Variants in SND1 observed in about 807,000 individuals in gnomAD.
SND1 encodes staphylococcal nuclease and tudor domain containing 1.
In SND1, 38 loss-of-function variants were observed where a neutral mutation model predicts 121.7. The ratio of observed to expected loss-of-function variants is 0.31; its 90% CI spans 0.24 to 0.41. The LOEUF is 0.41. SND1 is among the 10% of genes least tolerant of loss of function. The pLI is 1.00. For synonymous variants in SND1, 401 were observed against 447.4 expected, an observed-to-expected ratio of 0.90 and a Z score of 1.31; for missense variants, 868 against 1,184.6, an observed-to-expected ratio of 0.73 and a Z score of 3.92.
At position 127,807,529 on chromosome 7, in the gene SND1, T is replaced by C; in HGVS notation, c.1198T>C (p.Phe400Leu). The change falls in exon 11 of 24, where the codon TTT becomes CTT. Residue 400 changes from phenylalanine (F) to leucine (L), a missense_variant. Phe to Leu is a conservative substitution (Grantham distance 22). Around this residue, in one of 2 missense-constraint regions of SND1, gnomAD observed 743 missense variants for 1,071.3 expected, o/e 0.69. Coordinates refer to ENST00000354725, the MANE Select transcript of SND1 (RefSeq NM_014390.4). Reference sequence around the variant, plus strand: ...TCCCCTGTATGACATTCCTTACATGTTTGAGGCCCGGGAATTTCTTCGAAA... The same window carrying C: ...TCCCCTGTATGACATTCCTTACATGCTTGAGGCCCGGGAATTTCTTCGAAA... ...LRPLYDIPYM[F>L]EAREFLRKKL... 6.2e-7 allele frequency: 1 copy of C among 1,614,090 alleles called. No homozygotes were observed. The highest frequency in any genetic ancestry group is 1.1e-5 in the South Asian group (1 of 91,086).
At chr7:127,852,776 AC>A (rs1799194352) in intron 12 of SND1, among the ~76,000 whole-genome samples, 1 of 151,724 alleles carries the variant, frequency 6.6e-6, no homozygotes, top group South Asian at 2.1e-4. Context: ...ACGCCACTGC[AC>A]TCTAGCCTGG....
At chr7:127,777,482 T>G (rs902785946) in intron 10 of SND1, among the ~76,000 whole-genome samples, 1 of 152,178 alleles carries the variant, frequency 6.6e-6, no homozygotes. Context: ...CTTAATTGGA[T>G]AAATTGAAGA....
chr7:127,867,521 G>A (rs562410869), intron 12 of SND1, among the ~76,000 whole-genome samples: 18 of 152,082 alleles, frequency 1.2e-4, no homozygotes, highest in East Asian at 3.9e-4. Context: ...TCAAATGATC[G>A]CGTCTTTTGA....
intron 11 of SND1, among the ~76,000 whole-genome samples, chr7:127,841,057 A>T (rs1390215443): frequency 1.3e-5 from 2 of 152,212 alleles, no homozygotes; most frequent in Non-Finnish European, 2.9e-5. Context: ...GGCCTGAGAG[A>T]TACACAGGTG....
chr7:127,975,355 G>A (rs1341534312), intron 15 of SND1, among the ~76,000 whole-genome samples: 2 of 152,154 alleles, frequency 1.3e-5, no homozygotes, highest in Middle Eastern at 3.4e-3. Flanking sequence ...GTGCGCACGC[G>A]CGTGTGTATG....
chr7:127,895,456 A>G (rs1459734274), intron 13 of SND1, among the ~76,000 whole-genome samples: 1 of 152,016 alleles, frequency 6.6e-6, no homozygotes, highest in Non-Finnish European at 1.5e-5. Context: ...TAAATGTCCT[A>G]ATGGCTTCCG....
chr7:128,092,033 C>T lies in SND1; in HGVS notation c.2708C>T (p.Ala903Val). Residue 903 changes from alanine to valine, a missense_variant, in exon 24 of 24, where the codon GCA (alanine) becomes GTA (valine). Physicochemically the swap from Ala to Val is moderately conservative, Grantham distance 64. This residue lies in a region of SND1 where 743 missense variants were observed against 1,071.3 expected (regional missense o/e 0.69). Transcript: ENST00000354725. This position sits in a 1 kb window ranked among gnomAD's most constrained non-coding sequence, Gnocchi z 4.9. ...TATGGAGACTTTCGAGCTGATGATG[C>T]AGACGAATTTGGCTACAGCCGCTAA... is the stretch of plus-strand genomic sequence containing the variant. ...WRYGDFRADD[A>V]DEFGYSR is the part of the protein sequence containing the mutation. 1 of 1,614,114 alleles carries T rather than the reference C, an allele frequency of 6.2e-7. No homozygotes were observed. Among genetic ancestry groups the T allele is most frequent in the Non-Finnish European group, 8.5e-7 (1 of 1,179,966 alleles).
chr7:127,663,079 G>A (rs1012044250), intron 1 of SND1, among the ~76,000 whole-genome samples: 3 of 151,454 alleles, frequency 2.0e-5, no homozygotes, highest in Non-Finnish European at 4.4e-5. Context: ...TGGAGACGGG[G>A]TCTCCCTGTC....
At chr7:127,683,588 A>C (rs1297266048) in intron 1 of SND1, among the ~76,000 whole-genome samples, 2 of 152,208 alleles carry the variant, frequency 1.3e-5, no homozygotes, top group Non-Finnish European at 2.9e-5. Context: ...TAGTAGAAAT[A>C]GTTCTCTTAC....
chr7:127,921,776 TTAAC>T (rs1326784263), intron 14 of SND1, among the ~76,000 whole-genome samples: 1 of 152,206 alleles, frequency 6.6e-6, no homozygotes, highest in African/African-American at 2.4e-5. Context: ...GTTTTTCTGT[TTAAC>T]TATAGTTTAA....
chr7:127,883,066 A>C (rs1338681901), intron 12 of SND1, among the ~76,000 whole-genome samples: 1 of 152,174 alleles, frequency 6.6e-6, no homozygotes, highest in African/African-American at 2.4e-5. Flanking sequence ...AGTTTCCATT[A>C]GGCATGATCA....
At chr7:127,919,658 G>T (rs764240697) in intron 14 of SND1, among the ~76,000 whole-genome samples, 5 of 152,010 alleles carry the variant, frequency 3.3e-5, no homozygotes, top group Non-Finnish European at 7.4e-5. Flanking sequence ...TATGTTTTTA[G>T]CCCGGTCTCA....
chr7:127,660,122 G>A (rs1223165076), intron 1 of SND1, among the ~76,000 whole-genome samples: 1 of 152,078 alleles, frequency 6.6e-6, no homozygotes, highest in Non-Finnish European at 1.5e-5. Flanking sequence ...GAATGGTGGG[G>A]TGGAGAGAGG....
At chr7:128,051,540 T>C (rs1352566045) in intron 16 of SND1, among the ~76,000 whole-genome samples, 1 of 152,158 alleles carries the variant, frequency 6.6e-6, no homozygotes, top group African/African-American at 2.4e-5. Context: ...AGAGAAATCA[T>C]ATAGATCAAA....
In SND1 at chr7:127,910,319, C is replaced by T. The variant is rs917135564; in HGVS notation, c.1527+5500C>T. On this transcript the variant is annotated intron_variant, in intron 14 of 23. Coordinates refer to ENST00000354725, the MANE Select transcript of SND1 (RefSeq NM_014390.4). ...ATTAGCCAGGCGTGGTCGCGGGCAC[C>T]TGTAATCCCAGCTACTTGGGAGGCT... 2.5e-4 allele frequency among the ~76,000 whole-genome samples: 38 copies of T among 152,100 alleles called. 1 individual carries two copies. The highest frequency in any genetic ancestry group is 1.5e-5 in the Non-Finnish European group (1 of 68,030).
intron 15 of SND1, among the ~76,000 whole-genome samples, chr7:127,966,272 C>G (rs867099154): frequency 6.6e-6 from 1 of 151,514 alleles, no homozygotes; most frequent in African/African-American, 2.4e-5. Flanking sequence ...TAACACCCCA[C>G]TGTCAACATT....
intron 16 of SND1, among the ~76,000 whole-genome samples, chr7:128,043,990 T>C (rs538124941): frequency 6.6e-6 from 1 of 152,192 alleles, no homozygotes; most frequent in African/African-American, 2.4e-5. Flanking sequence ...AGAAGAGGAA[T>C]AGTGCGGAGA....
rs187319413 is a variant in SND1, at chr7:128,074,878, C to T, written c.1968+188C>T. Among the ~76,000 whole-genome samples the T allele has an allele frequency of 1.8e-4, 27 of 152,338 alleles. 1 individual carries two copies. The highest frequency in any genetic ancestry group is 3.4e-3 in the Middle Eastern group (1 of 294). On this transcript the variant is annotated intron_variant, in intron 17 of 23. Transcript: ENST00000354725. ...AGGCTGCCAGCTGAGGTGTCCTCGGCCACAGCCTGTTGCAGACCTGAGGTG... is the reference window on the plus strand; with the variant it reads ...AGGCTGCCAGCTGAGGTGTCCTCGGTCACAGCCTGTTGCAGACCTGAGGTG...
chr7:128,089,277 C>A (rs978724313), intron 21 of SND1, among the ~76,000 whole-genome samples: 3 of 152,050 alleles, frequency 2.0e-5, no homozygotes, highest in African/African-American at 7.2e-5. Context: ...TGGTCGCCAA[C>A]TCCTGGCCTC....
Sources: gnomAD v4.1 joint callset for allele counts (sites outside exome capture counted in the v4.1 genomes callset) on GRCh38, gnomAD v4.1.1 for gene constraint, gnomAD v4.1.1 regional missense constraint, Gnocchi (gnomAD v3.1) non-coding constraint, MANE v1.5 for transcripts, NCBI Gene and HGNC (gene_info 2026-07-23, HGNC 2026-07-21) for gene names.